Variants in RSU1 observed in about 807,000 individuals in gnomAD.
RSU1 encodes the protein Ras suppressor protein 1.
RSU1 carries 26 observed loss-of-function variants against 31.1 expected under a neutral mutation model. The observed-to-expected ratio is 0.84, with a 90% confidence interval of 0.61 to 1.16. RSU1 has a LOEUF of 1.16. Ranked by LOEUF, RSU1 falls within the 50% of genes most tolerant of loss-of-function variation. The pLI is 0.00. For missense variants in RSU1, 320 were observed against 339.1 expected (o/e 0.94, Z 0.44); for synonymous variants, 164 against 136.3 (o/e 1.20, Z -1.41).
At chr10:16,668,609 TC>T (rs559552441) in intron 8 of RSU1, among the ~76,000 whole-genome samples, 2 of 152,132 alleles carry the variant, frequency 1.3e-5, no homozygotes, top group African/African-American at 2.4e-5. Flanking sequence ...TGGTTTTTTT[TC>T]CCCCCAAGTT....
chr10:16,601,135 GTCC>G (rs1399085932), intron 8 of RSU1, among the ~76,000 whole-genome samples: 4 of 152,096 alleles, frequency 2.6e-5, no homozygotes, highest in African/African-American at 9.7e-5. Flanking sequence ...TGCTCTCCAA[GTCC>G]TCATCAGCCC....
chr10:16,667,474 T>C (rs1835017638), intron 8 of RSU1, among the ~76,000 whole-genome samples: 1 of 152,120 alleles, frequency 6.6e-6, no homozygotes, highest in East Asian at 1.9e-4. Flanking sequence ...AATATGCCAT[T>C]AACTCTATTA....
chr10:16,794,978 GA>G (rs1317041725), intron 2 of RSU1, among the ~76,000 whole-genome samples: 11 of 152,130 alleles, frequency 7.2e-5, no homozygotes, highest in Non-Finnish European at 1.0e-4. Flanking sequence ...AAATAAAAGA[GA>G]GAAAAAAGAT....
chr10:16,672,726 A>G (rs906798020), intron 8 of RSU1, among the ~76,000 whole-genome samples: 3 of 152,158 alleles, frequency 2.0e-5, no homozygotes, highest in African/African-American at 7.2e-5. Context: ...GGGGGAAATG[A>G]AGGGAGAGGC....
At position 16,718,074 on chromosome 10, in the gene RSU1, G is replaced by C. The variant is rs147640228; in HGVS notation, c.599-22919C>G. Among the ~76,000 whole-genome samples the C allele has an allele frequency of 2.9e-4, 43 of 146,994 alleles. No homozygotes were observed. The East Asian group carries it at 7.2e-3, about 25-fold the overall frequency. On this transcript the variant is annotated intron_variant, in intron 7 of 8. Coordinates refer to ENST00000345264, the MANE Select transcript of RSU1 (RefSeq NM_012425.4). The stretch of plus-strand genomic sequence containing the variant: ...CACAAAGTCATTTTCAAATGTGAAG[G>C]TGTTTCCAAAGCTCAATTTATTTAA...
In RSU1 at chr10:16,682,174, G is replaced by C. The variant is rs980962144; in HGVS notation, c.731+12849C>G. ...GTGACCAGAGTCCCAAGATGGGACAGGGAATCTCTGACTCCACACTCTATA... is the reference window on the plus strand; with the variant it reads ...GTGACCAGAGTCCCAAGATGGGACACGGAATCTCTGACTCCACACTCTATA... On this transcript the variant is annotated intron_variant, in intron 8 of 8. Coordinates refer to ENST00000345264, the MANE Select transcript of RSU1 (RefSeq NM_012425.4). Among the ~76,000 whole-genome samples, 5 of 152,310 alleles carry C rather than the reference G, an allele frequency of 3.3e-5. No homozygotes were observed. In the East Asian group the frequency reaches 9.7e-4, roughly 29 times the overall value.
intron 2 of RSU1, among the ~76,000 whole-genome samples, chr10:16,802,548 A>G (rs1838180543): frequency 6.6e-6 from 1 of 152,174 alleles, no homozygotes; most frequent in African/African-American, 2.4e-5. Flanking sequence ...AAATAGAAGC[A>G]AAGAGAACAA....
chr10:16,629,027 G>A (rs1834204264), intron 8 of RSU1, among the ~76,000 whole-genome samples: 1 of 151,992 alleles, frequency 6.6e-6, no homozygotes, highest in Non-Finnish European at 1.5e-5. Flanking sequence ...ATCACTCTTG[G>A]CCACAGCACT....
intron 3 of RSU1, 117 bp downstream of exon 3, chr10:16,781,917 G>A: frequency 2.3e-6 from 2 of 860,006 alleles, no homozygotes; most frequent in East Asian, 2.4e-5. Context: ...AGTAAACTAA[G>A]GTTTCTGCAA....
At chr10:16,740,728 G>A (rs1033268209) in intron 7 of RSU1, among the ~76,000 whole-genome samples, 5 of 152,092 alleles carry the variant, frequency 3.3e-5, no homozygotes, top group African/African-American at 1.2e-4. Flanking sequence ...AGCAACAAAA[G>A]TAATAAAATG....
rs1298394207 is a variant in RSU1 at position 16,754,984 on chromosome 10, T to C, written c.287A>G (p.Asn96Ser). 1 of 1,608,072 alleles carries C rather than the reference T, an allele frequency of 6.2e-7. No homozygotes were observed. Among genetic ancestry groups the C allele is most frequent in the Non-Finnish European group, 8.5e-7 (1 of 1,176,028 alleles). ...QKLKHLNLGM[N>S]RLNTLPRGFG... The stretch of plus-strand genomic sequence containing the variant: ...GCCTCGTGGCAAAGTGTTCAGCCTG[T>C]TCATGCTGTTGCAGGGGGACAAAAA... Residue 96 changes from asparagine to serine, a missense_variant, in exon 5 of 9, where the codon AAC becomes AGC. By Grantham distance (46) the Asn-to-Ser change is conservative (BLOSUM62 1). Coordinates refer to ENST00000345264, the MANE Select transcript of RSU1 (RefSeq NM_012425.4).
intron 7 of RSU1, among the ~76,000 whole-genome samples, chr10:16,709,349 T>C (rs1354765491): frequency 3.3e-5 from 5 of 152,356 alleles, no homozygotes; most frequent in East Asian, 1.9e-4. Context: ...GGCTGCATAC[T>C]ATTCCATGGT....
At chr10:16,797,553 G>A (rs1194953276) in intron 2 of RSU1, among the ~76,000 whole-genome samples, 2 of 152,196 alleles carry the variant, frequency 1.3e-5, no homozygotes, top group African/African-American at 2.4e-5. Context: ...AAAAGAAAGT[G>A]TAGAAGAACA....
intron 3 of RSU1, among the ~76,000 whole-genome samples, chr10:16,777,165 C>A (rs1191978424): frequency 6.6e-6 from 1 of 151,974 alleles, no homozygotes; most frequent in Non-Finnish European, 1.5e-5. Context: ...GTATACGAAT[C>A]AGCATAAATA....
intron 7 of RSU1, among the ~76,000 whole-genome samples, chr10:16,746,979 CAT>C (rs1294681129): frequency 6.6e-6 from 1 of 152,080 alleles, no homozygotes; most frequent in Admixed American, 6.6e-5. Flanking sequence ...GAGTTAACTG[CAT>C]ATGTCAGGAA....
chr10:16,698,775 A>T (rs528762245), intron 7 of RSU1, among the ~76,000 whole-genome samples: 1 of 152,342 alleles, frequency 6.6e-6, no homozygotes, highest in East Asian at 1.9e-4. Context: ...GATGTCTACA[A>T]GTCAGAGTTA....
intron 7 of RSU1, among the ~76,000 whole-genome samples, chr10:16,747,342 A>T: frequency 6.6e-6 from 1 of 152,162 alleles, no homozygotes; most frequent in East Asian, 1.9e-4. Flanking sequence ...AGATTCTTAT[A>T]CCCTATCGCC....
At chr10:16,634,595 T>C (rs552424054) in intron 8 of RSU1, among the ~76,000 whole-genome samples, 1 of 152,202 alleles carries the variant, frequency 6.6e-6, no homozygotes, top group African/African-American at 2.4e-5. Flanking sequence ...ATGTTCTAGA[T>C]TTTTTCTTAC....
chr10:16,720,285 T>C (rs761379740), intron 7 of RSU1, among the ~76,000 whole-genome samples: 9 of 152,208 alleles, frequency 5.9e-5, no homozygotes, highest in Admixed American at 3.3e-4. Context: ...ACATAGAGTT[T>C]ATTACATAAA....
Sources: gnomAD v4.1 joint callset for allele counts (sites outside exome capture counted in the v4.1 genomes callset) on GRCh38, gnomAD v4.1.1 for gene constraint, MANE v1.5 for transcripts, NCBI Gene and HGNC (gene_info 2026-07-23, HGNC 2026-07-21) for gene names.